The following POF1B variants were observed in gnomAD, a reference collection of about 807,000 sequenced individuals.
POF1B encodes protein POF1B.
A neutral mutation model predicts 55.3 loss-of-function variants in POF1B; 53 were observed. The ratio of observed to expected loss-of-function variants is 0.96; its 90% confidence interval spans 0.77 to 1.20. POF1B has a LOEUF of 1.20. Ranked by LOEUF, POF1B falls within the 50% of genes most tolerant of loss-of-function variation. POF1B has a pLI of 0.00. For synonymous variants in POF1B, 188 were observed against 148.3 expected (o/e 1.27, Z -1.95); for missense variants, 478 against 420.5 (o/e 1.14, Z -1.20).
chrX:85,328,130 A>C (rs1000734873), intron 7 of POF1B, among the ~76,000 whole-genome samples: 6 of 110,833 alleles, frequency 5.4e-5, no homozygotes, highest in Admixed American at 3.9e-4. Context: ...ATTGGGCAGA[A>C]AAAGGAACAG....
chrX:85,280,821 G>C (rs189864787), intron 16 of POF1B, among the ~76,000 whole-genome samples: 43 of 110,737 alleles, frequency 3.9e-4, no homozygotes, highest in Non-Finnish European at 4.6e-4. Flanking sequence ...CAGTGTAGGA[G>C]TATATAATTA....
At chrX:85,282,347 G>A (rs746790271) in intron 15 of POF1B, 30 bp from the exon 16 acceptor site, 1 of 991,867 alleles carries the variant, frequency 1.0e-6, no homozygotes, top group Admixed American at 3.1e-5. Flanking sequence ...TAGTTTACAG[G>A]CTGCATGAGA....
chrX:85,362,425 C>T (rs995215759), intron 3 of POF1B, among the ~76,000 whole-genome samples: 2 of 111,289 alleles, frequency 1.8e-5, no homozygotes, highest in Admixed American at 9.6e-5. Context: ...TCCTTCAATA[C>T]CTAGTTTATT....
chrX:85,316,997 T>G (rs751695634), intron 7 of POF1B, among the ~76,000 whole-genome samples: 34 of 110,682 alleles, frequency 3.1e-4, no homozygotes, highest in Non-Finnish European at 5.9e-4. Flanking sequence ...GTTCCTACAT[T>G]AGTTTGCTAA....
chrX:85,312,816 G>A (rs1223785420), intron 9 of POF1B, among the ~76,000 whole-genome samples: 1 of 111,662 alleles, frequency 9.0e-6, no homozygotes, highest in East Asian at 2.8e-4. Context: ...ACAATGGAAT[G>A]TTTTTCCATT....
At chrX:85,320,082 T>A (rs1456626938) in intron 7 of POF1B, among the ~76,000 whole-genome samples, 1 of 111,498 alleles carries the variant, frequency 9.0e-6, no homozygotes, top group Non-Finnish European at 1.9e-5. Context: ...GGATTCAGTC[T>A]CTTCCTGGTT....
chrX:85,320,069 C>A (rs766130955), intron 7 of POF1B, among the ~76,000 whole-genome samples: 128 of 111,136 alleles, frequency 1.2e-3, no homozygotes, highest in African/African-American at 4.0e-3. Context: ...TTGTTCTGTT[C>A]AGGGATTCAG....
intron 8 of POF1B, 68 bp from the exon 9 acceptor site, chrX:85,314,574 T>A (rs1932766939): frequency 1.3e-6 from 1 of 743,816 alleles, no homozygotes; most frequent in Non-Finnish European, 1.9e-6. Flanking sequence ...ATCCACAGAC[T>A]TTTGTGTAAT....
chrX:85,346,836 C>T (rs1933282386), intron 5 of POF1B, among the ~76,000 whole-genome samples: 1 of 110,266 alleles, frequency 9.1e-6, no homozygotes, highest in South Asian at 3.8e-4. Flanking sequence ...ATTTACCCTA[C>T]TAATTTTGCA....
chrX:85,322,960 G>A (rs1290723909), intron 7 of POF1B, among the ~76,000 whole-genome samples: 1 of 109,804 alleles, frequency 9.1e-6, no homozygotes, highest in African/African-American at 3.3e-5. Flanking sequence ...TGCTGGAGAG[G>A]ATGTGGAGAA....
Position 85,314,513 on chromosome X carries a change from GA to G in POF1B, c.883-8del, listed in dbSNP as rs748132609. The G allele has an allele frequency of 6.0e-6, 7 of 1,169,873 alleles. No individual in the cohort carries two copies. The highest frequency in any genetic ancestry group is 6.2e-5 in the East Asian group (2 of 32,224). ...ATGATTCAATGTCTTCCGACTGTAAGAAAAAAAGGCTTATCCATGGAACAGA... is the reference window on the plus strand; with the variant it reads ...ATGATTCAATGTCTTCCGACTGTAAGAAAAAAGGCTTATCCATGGAACAGA... On this transcript the variant is annotated splice_polypyrimidine_tract_variant and splice_region_variant and intron_variant, in intron 8 of 16. Coordinates refer to ENST00000262753, the MANE Select transcript of POF1B (RefSeq NM_024921.4).
At chrX:85,317,465 A>G (rs186630488) in intron 7 of POF1B, among the ~76,000 whole-genome samples, 1 of 109,757 alleles carries the variant, frequency 9.1e-6, no homozygotes, top group East Asian at 3.0e-4. Context: ...AATAACAACC[A>G]TTCTGACTGG....
intron 4 of POF1B, 140 bp downstream of exon 4, chrX:85,359,410 A>T (rs1177137153): frequency 1.7e-5 from 8 of 467,110 alleles, no homozygotes; most frequent in Non-Finnish European, 2.9e-5. Flanking sequence ...GCATTTATTG[A>T]TACTGATAAT....
chrX:85,322,295 C>A (rs1178282077), intron 7 of POF1B, among the ~76,000 whole-genome samples: 1 of 110,778 alleles, frequency 9.0e-6, no homozygotes, highest in African/African-American at 3.3e-5. Context: ...TGCCACATAT[C>A]TACAACTATC....
At chrX:85,292,433 G>A (rs1932212554) in intron 15 of POF1B, among the ~76,000 whole-genome samples, 1 of 111,401 alleles carries the variant, frequency 9.0e-6, no homozygotes, top group South Asian at 3.8e-4. Flanking sequence ...TTGATATCAG[G>A]ATGATGCTGG....
intron 7 of POF1B, among the ~76,000 whole-genome samples, chrX:85,329,467 T>C (rs542864207): frequency 7.2e-5 from 8 of 110,867 alleles, no homozygotes; most frequent in Middle Eastern, 4.7e-3. Context: ...TCCATGGGCA[T>C]AACAGTAATG....
At chrX:85,332,151 TA>T (rs1403081361) in intron 6 of POF1B, among the ~76,000 whole-genome samples, 1 of 111,934 alleles carries the variant, frequency 8.9e-6, no homozygotes, top group Non-Finnish European at 1.9e-5. Context: ...GCACATATTC[TA>T]AGTGAAAGTC....
intron 4 of POF1B, among the ~76,000 whole-genome samples, chrX:85,357,285 A>AT (rs1569296666): frequency 9.0e-6 from 1 of 111,037 alleles, no homozygotes; most frequent in Non-Finnish European, 1.9e-5. Flanking sequence ...CTTCCAGAAT[A>AT]TTATCCCATT....
chrX:85,346,647 T>G (rs1194734141), intron 5 of POF1B, among the ~76,000 whole-genome samples: 1 of 110,352 alleles, frequency 9.1e-6, no homozygotes, highest in Admixed American at 9.8e-5. Flanking sequence ...TATGCAACCT[T>G]TATGAGCCTC....
Sources: gnomAD v4.1 joint callset for allele counts (sites outside exome capture counted in the v4.1 genomes callset) on GRCh38, gnomAD v4.1.1 for gene constraint, MANE v1.5 for transcripts, NCBI Gene and HGNC (gene_info 2026-07-23, HGNC 2026-07-21) for gene names.